Variants in PNLIPRP3 observed in about 807,000 individuals in gnomAD.
The protein encoded by PNLIPRP3 is pancreatic lipase related protein 3, also known as pancreatic lipase-related protein 3.
PNLIPRP3 carries 58 observed loss-of-function variants against 52.8 expected under a neutral mutation model. The ratio of observed to expected loss-of-function variants is 1.10; its 90% CI spans 0.89 to 1.37. PNLIPRP3 has a LOEUF of 1.37. Among genes scored for constraint, PNLIPRP3 ranks in the 40% most tolerant of loss-of-function variants. The pLI, the probability that PNLIPRP3 is intolerant of heterozygous loss-of-function variation, is 0.00. For missense variants in PNLIPRP3, 593 were observed against 561.6 expected, an observed-to-expected ratio of 1.06 and a Z score of -0.57; for synonymous variants, 192 against 185.0, an observed-to-expected ratio of 1.04 and a Z score of -0.31.
In PNLIPRP3 at chr10:116,446,340, C is replaced by T. The variant is rs565305640; in HGVS notation, c.456+1827C>T. Among the ~76,000 whole-genome samples the T allele has an allele frequency of 6.3e-3, 501 of 80,064 alleles. 6 individuals carry two copies. Among genetic ancestry groups the T allele is most frequent in the African/African-American group, 0.022 (469 of 21,070 alleles). 52.5% of individuals were successfully genotyped at this position (80,064 alleles called of 152,430 possible). ...CAGCTTGGGCCAGAGTGCGACGCTG[C>T]GTCTCAAAAAAAAAAAAAAAAAAAA... On this transcript the variant is annotated intron_variant, in intron 4 of 11. Coordinates refer to ENST00000369230, the MANE Select transcript of PNLIPRP3 (RefSeq NM_001011709.3).
chr10:116,447,412 G>T (rs1185542656), intron 4 of PNLIPRP3, among the ~76,000 whole-genome samples: 2 of 152,062 alleles, frequency 1.3e-5, no homozygotes, highest in Non-Finnish European at 2.9e-5. Flanking sequence ...CCAACATAAA[G>T]AGTCAAGGAA....
chr10:116,477,154 T>A lies in PNLIPRP3; in HGVS notation c.*1T>A. The A allele has an allele frequency of 6.3e-7, 1 of 1,584,548 alleles. No individual in the cohort carries two copies. The highest frequency in any genetic ancestry group is 1.7e-4 in the Middle Eastern group (1 of 6,010). ...TCTCCAGAACCTGAAACCATGCTAA[T>A]CTCAGATACAGTCTTGATGGATTTC... On this transcript the variant is annotated 3_prime_UTR_variant, in exon 12 of 12. Transcript: ENST00000369230.
Position 116,477,171 on chromosome 10 carries a change from A to T in PNLIPRP3, c.*18A>T, listed in dbSNP as rs780933758. ...CATGCTAATCTCAGATACAGTCTTGATGGATTTCTTTAGTAGGAGCAATGA... is the reference window on the plus strand; with the variant it reads ...CATGCTAATCTCAGATACAGTCTTGTTGGATTTCTTTAGTAGGAGCAATGA... On this transcript the variant is annotated 3_prime_UTR_variant, in exon 12 of 12. Transcript: ENST00000369230. 1.3e-6 allele frequency: 2 copies of T among 1,564,020 alleles called. No homozygotes were observed. Among genetic ancestry groups the T allele is most frequent in the Non-Finnish European group, 8.8e-7 (1 of 1,141,358 alleles).
Position 116,443,709 on chromosome 10 carries a change from G to A in PNLIPRP3, c.324+535G>A, listed in dbSNP as rs923296331. Among the ~76,000 whole-genome samples the A allele has an allele frequency of 3.1e-4, 44 of 140,666 alleles. 1 individual carries two copies. In the East Asian group the frequency reaches 4.7e-3, roughly 15 times the overall value. 92.3% of individuals were successfully genotyped at this position (140,666 alleles called of 152,430 possible). On this transcript the variant is annotated intron_variant, in intron 3 of 11. Transcript: ENST00000369230. ...TATATATAAATTTAATTCTCACTCC[G>A]TGAGATAGGTACTAATGCATAGGTG... is the stretch of plus-strand genomic sequence containing the variant.
chr10:116,468,346 T>C (rs1395864163), intron 8 of PNLIPRP3, among the ~76,000 whole-genome samples: 3 of 152,082 alleles, frequency 2.0e-5, no homozygotes, highest in African/African-American at 7.2e-5. Context: ...AATTTAGATA[T>C]AACCCAAGGC....
At position 116,435,065 on chromosome 10, in the gene PNLIPRP3, G is replaced by A. The variant is rs1010766960; in HGVS notation, c.50-1646G>A. Among the ~76,000 whole-genome samples, 38 of 152,302 alleles carry A rather than the reference G, an allele frequency of 2.5e-4. 1 individual carries two copies. The highest frequency in any genetic ancestry group is 7.2e-4 in the African/African-American group (30 of 41,568). On this transcript the variant is annotated intron_variant, in intron 1 of 11. Transcript: ENST00000369230. ...GAATCATCTCCTTTGAAGAGAATGA[G>A]TGTCTGAACAATGGAAGTGCAGTAA...
At chr10:116,431,566 A>G (rs1194240825) in intron 1 of PNLIPRP3, among the ~76,000 whole-genome samples, 5 of 152,214 alleles carry the variant, frequency 3.3e-5, no homozygotes, top group Admixed American at 3.3e-4. Flanking sequence ...TTTATGTAGT[A>G]AAATACATGA....
chr10:116,476,234 G>A (rs966211508), intron 10 of PNLIPRP3, among the ~76,000 whole-genome samples: 1 of 152,130 alleles, frequency 6.6e-6, no homozygotes, highest in Non-Finnish European at 1.5e-5. Context: ...CTGGTTAATC[G>A]AAGGGAGGTA....
At chr10:116,428,229 T>C (rs373859852) in intron 1 of PNLIPRP3, among the ~76,000 whole-genome samples, 168 bp downstream of exon 1, 1 of 152,148 alleles carries the variant, frequency 6.6e-6, no homozygotes, top group African/African-American at 2.4e-5. Context: ...TATATTTCTT[T>C]GTATTTATTT....
chr10:116,450,156 C>T (rs1846014105), intron 4 of PNLIPRP3, among the ~76,000 whole-genome samples: 1 of 152,280 alleles, frequency 6.6e-6, no homozygotes, highest in Admixed American at 6.5e-5. Context: ...AAAAAGCTCT[C>T]CATTCAACAA....
rs374778789 is a variant in PNLIPRP3, at chr10:116,436,825, G to A, written c.164G>A (p.Arg55His). 3.8e-5 allele frequency: 61 copies of A among 1,612,942 alleles called. No individual in the cohort carries two copies. The African/African-American group carries it at 5.6e-4, about 15-fold the overall frequency. ...LPWSPEKINTRFLLYTIHNPN... is the reference protein window; with the variant it reads ...LPWSPEKINTHFLLYTIHNPN... The stretch of plus-strand genomic sequence containing the variant: ...TGGTCTCCAGAGAAGATAAACACTC[G>A]TTTCCTGCTCTACACTATACACAAT... Residue 55 changes from arginine (R) to histidine (H), a missense_variant, in exon 2 of 12, where the codon CGT becomes CAT. Coordinates refer to ENST00000369230, the MANE Select transcript of PNLIPRP3 (RefSeq NM_001011709.3).
At chr10:116,434,547 A>G (rs1845750368) in intron 1 of PNLIPRP3, among the ~76,000 whole-genome samples, 1 of 152,102 alleles carries the variant, frequency 6.6e-6, no homozygotes, top group South Asian at 2.1e-4. Flanking sequence ...TATCACATCC[A>G]TTTTCCTTTA....
chr10:116,476,222 C>T (rs1846463818), intron 10 of PNLIPRP3, among the ~76,000 whole-genome samples: 1 of 152,136 alleles, frequency 6.6e-6, no homozygotes, highest in South Asian at 2.1e-4. Context: ...CACGGGAGCA[C>T]TCTGGTTAAT....
At chr10:116,448,506 G>GA (rs1251148550) in intron 4 of PNLIPRP3, among the ~76,000 whole-genome samples, 1 of 17,786 alleles carries the variant, frequency 5.6e-5, no homozygotes, top group Non-Finnish European at 3.1e-3. Context: ...GAGAGGAAAA[G>GA]AGGACCAAAG....
chr10:116,465,962 G>A, intron 7 of PNLIPRP3, 88 bp from the exon 8 acceptor site: 1 of 948,638 alleles, frequency 1.1e-6, no homozygotes, highest in Non-Finnish European at 1.7e-6. Context: ...CAAGAAGACT[G>A]CCACTTACAG....
rs1222433251 is a variant in PNLIPRP3 at position 116,477,768 on chromosome 10, T to A, written c.*615T>A. 1 of 152,142 alleles carries A rather than the reference T, an allele frequency of 6.6e-6. No individual in the cohort carries two copies. Among genetic ancestry groups the A allele is most frequent in the South Asian group, 2.1e-4 (1 of 4,816 alleles). The allele number at this position is 152,142 out of a possible 1,614,324, so 9.4% of individuals were successfully genotyped here. ...CTGTTATGTGTTCATCAGTTAGCAA[T>A]GGGACCTGAAGTTCAACAACCCAGG... On this transcript the variant is annotated 3_prime_UTR_variant, in exon 12 of 12. Transcript: ENST00000369230.
intron 4 of PNLIPRP3, among the ~76,000 whole-genome samples, chr10:116,454,267 C>T (rs1370546678): frequency 6.6e-6 from 1 of 152,086 alleles, no homozygotes; most frequent in Non-Finnish European, 1.5e-5. Flanking sequence ...TACAGGCACA[C>T]ACCACCACGA....
intron 11 of PNLIPRP3, 75 bp from the exon 12 acceptor site, chr10:116,477,015 C>T (rs1476238122): frequency 2.8e-5 from 36 of 1,297,634 alleles, no homozygotes; most frequent in East Asian, 4.7e-5. Flanking sequence ...CTCATTAAAT[C>T]GGGGGATCTA....
chr10:116,473,262 G>T (rs1846403152), intron 10 of PNLIPRP3, among the ~76,000 whole-genome samples: 1 of 152,210 alleles, frequency 6.6e-6, no homozygotes, highest in Non-Finnish European at 1.5e-5. Flanking sequence ...TGCTGGTTTA[G>T]TTCTATTCTT....
Sources: gnomAD v4.1 joint callset for allele counts (sites outside exome capture counted in the v4.1 genomes callset) on GRCh38, gnomAD v4.1.1 for gene constraint, MANE v1.5 for transcripts, NCBI Gene and HGNC (gene_info 2026-07-23, HGNC 2026-07-21) for gene names.